The following SMAD3 variants were observed in gnomAD, a reference collection of about 807,000 sequenced individuals.
The protein encoded by SMAD3 is MAD homolog 3.
Under a neutral mutation model 51.8 loss-of-function variants are expected in SMAD3, and 12 were observed. The ratio of observed to expected loss-of-function variants is 0.23; its 90% CI spans 0.15 to 0.38. SMAD3 has a LOEUF of 0.38. Ranked by LOEUF, SMAD3 falls within the 10% of genes least tolerant of loss-of-function variation. SMAD3 has a pLI of 1.00. For synonymous variants in SMAD3, 238 were observed against 227.7 expected (o/e 1.05, Z -0.41); for missense variants, 294 against 565.6 (o/e 0.52, Z 4.87).
At chr15:67,140,422 G>A (rs1018240262) in intron 1 of SMAD3, among the ~76,000 whole-genome samples, 4 of 152,110 alleles carry the variant, frequency 2.6e-5, no homozygotes, top group African/African-American at 9.7e-5. Context: ...TTATTCCACC[G>A]TTCTCTCTTT....
At chr15:67,085,868 GCACACACACACA>G (rs78357581) in intron 1 of SMAD3, among the ~76,000 whole-genome samples, 3 of 100,064 alleles carry the variant, frequency 3.0e-5, no homozygotes, top group African/African-American at 1.0e-4. Flanking sequence ...AAAAAAGCGT[GCACACACACACA>G]CACACACACA....
chr15:67,090,747 C>T (rs867353645), intron 1 of SMAD3, among the ~76,000 whole-genome samples: 2 of 152,180 alleles, frequency 1.3e-5, no homozygotes, highest in Non-Finnish European at 2.9e-5. Flanking sequence ...CCCTCCCCAG[C>T]ACTCCCATCT....
intron 1 of SMAD3, among the ~76,000 whole-genome samples, chr15:67,090,101 C>G (rs1683771672): frequency 6.6e-6 from 1 of 152,168 alleles, no homozygotes; most frequent in Non-Finnish European, 1.5e-5. Flanking sequence ...TGGAACACCA[C>G]CCTAAGGGGG....
At chr15:67,074,477 G>A (rs1296232365) in intron 1 of SMAD3, among the ~76,000 whole-genome samples, 1 of 152,188 alleles carries the variant, frequency 6.6e-6, no homozygotes, top group Admixed American at 6.5e-5. Flanking sequence ...ACTTGATTGC[G>A]TAAGCATGAG....
chr15:67,118,204 C>G (rs991292854), intron 1 of SMAD3, among the ~76,000 whole-genome samples: 12 of 152,188 alleles, frequency 7.9e-5, no homozygotes, highest in Non-Finnish European at 1.5e-4. Context: ...AAGATAGGCA[C>G]GGAACAAGTC....
At chr15:67,102,133 A>G (rs1960771816) in intron 1 of SMAD3, among the ~76,000 whole-genome samples, 3 of 152,246 alleles carry the variant, frequency 2.0e-5, no homozygotes, top group South Asian at 2.1e-4. Context: ...TTGTGTTTTC[A>G]TGGGTCACCT....
At chr15:67,107,964 C>CG (rs1363595247) in intron 1 of SMAD3, among the ~76,000 whole-genome samples, 1 of 74,518 alleles carries the variant, frequency 1.3e-5, no homozygotes, top group South Asian at 6.9e-4. Flanking sequence ...CTGCTCTCCT[C>CG]TCCCCCCCAC....
intron 1 of SMAD3, among the ~76,000 whole-genome samples, chr15:67,101,523 G>A (rs1246648879): frequency 6.6e-6 from 1 of 152,132 alleles, no homozygotes. Flanking sequence ...TGTCCTGGTC[G>A]GTGCCAGTAT....
At chr15:67,127,101 C>T (rs1432132552) in intron 1 of SMAD3, among the ~76,000 whole-genome samples, 3 of 152,228 alleles carry the variant, frequency 2.0e-5, no homozygotes, top group Admixed American at 6.5e-5. Flanking sequence ...GACTCTGTGC[C>T]GTGGGCTAAA....
intron 1 of SMAD3, among the ~76,000 whole-genome samples, chr15:67,111,770 CT>C (rs1422383386): frequency 6.6e-6 from 1 of 152,088 alleles, no homozygotes; most frequent in Non-Finnish European, 1.5e-5. Context: ...TCTCCTTGTG[CT>C]TTTTGGCATT....
chr15:67,109,791 C>T (rs1192951794), intron 1 of SMAD3, among the ~76,000 whole-genome samples: 1 of 152,202 alleles, frequency 6.6e-6, no homozygotes, highest in East Asian at 1.9e-4. Context: ...TACGCTCCGC[C>T]GGCCTCTCAG....
chr15:67,154,806 T>C (rs1435301090), intron 1 of SMAD3, among the ~76,000 whole-genome samples: 1 of 152,134 alleles, frequency 6.6e-6, no homozygotes, highest in Non-Finnish European at 1.5e-5. Flanking sequence ...AACTGCTCAG[T>C]CCCTTTTTTT....
chr15:67,089,565 C>G (rs1423678463), intron 1 of SMAD3, among the ~76,000 whole-genome samples: 3 of 152,180 alleles, frequency 2.0e-5, no homozygotes, highest in Non-Finnish European at 4.4e-5. Flanking sequence ...TGACAGAGTT[C>G]TTTGTCTACA....
At position 67,181,537 on chromosome 15, in the gene SMAD3, C is replaced by T. The variant is rs1431505132; in HGVS notation, c.871+84C>T. 38 of 1,143,640 alleles carry T rather than the reference C, an allele frequency of 3.3e-5. No homozygotes were observed. The Admixed American group carries it at 7.4e-4, about 22-fold the overall frequency. The allele number at this position is 1,143,640 out of a possible 1,614,324, so 70.8% of individuals were successfully genotyped here. ...CCAGCCCCAGGCCTGAACACACAGC[C>T]TCTGAAGGGAACCTTGCGTCCATCC... On this transcript the variant is annotated intron_variant, in intron 6 of 8. Coordinates refer to ENST00000327367, the MANE Select transcript of SMAD3 (RefSeq NM_005902.4).
intron 1 of SMAD3, among the ~76,000 whole-genome samples, chr15:67,110,598 T>C (rs1960991148): frequency 6.6e-6 from 1 of 152,224 alleles, no homozygotes. Flanking sequence ...CAAATGCTCA[T>C]TGTTACTTGT....
intron 1 of SMAD3, among the ~76,000 whole-genome samples, chr15:67,162,909 T>C (rs912782969): frequency 6.6e-6 from 1 of 151,978 alleles, no homozygotes; most frequent in African/African-American, 2.4e-5. Context: ...GTTATTTTCG[T>C]TCAGGACACT....
rs8042853 is a variant in SMAD3 at position 67,111,285 on chromosome 15, T to C, written c.206+44925T>C. On this transcript the variant is annotated intron_variant, in intron 1 of 8. Transcript: ENST00000327367. ...GTTTGACTTCTTTCACTTAACATAT[T>C]TTCAGGGTTCATCCATTTGTAGCAT... is the stretch of plus-strand genomic sequence containing the variant. Among the ~76,000 whole-genome samples, 1,386 of 152,344 alleles carry C rather than the reference T, an allele frequency of 9.1e-3. 28 individuals are homozygous for C. The highest frequency in any genetic ancestry group is 0.032 in the African/African-American group (1,348 of 41,572).
chr15:67,193,493 G>C lies in SMAD3; in HGVS notation c.*2957G>C, dbSNP rs143339480. On this transcript the variant is annotated 3_prime_UTR_variant, in exon 9 of 9. Coordinates refer to ENST00000327367, the MANE Select transcript of SMAD3 (RefSeq NM_005902.4). The stretch of plus-strand genomic sequence containing the variant: ...TTAGATGCTTCCAGCACATACGTAG[G>C]TAGCTACCCCAGCCGGTTTGGATTA... 78 of 233,748 alleles carry C rather than the reference G, an allele frequency of 3.3e-4. No homozygotes were observed. The highest frequency in any genetic ancestry group is 5.6e-4 in the Non-Finnish European group (66 of 118,048). 14.5% of individuals were successfully genotyped at this position (233,748 alleles called of 1,614,324 possible).
At chr15:67,116,518 C>A (rs867812524) in intron 1 of SMAD3, among the ~76,000 whole-genome samples, 2 of 152,158 alleles carry the variant, frequency 1.3e-5, no homozygotes, top group Non-Finnish European at 2.9e-5. Context: ...TAATGACTGA[C>A]GTGCTGAGCA....
Sources: allele counts gnomAD v4.1 joint callset (sites outside exome capture counted in the v4.1 genomes callset), GRCh38; gene constraint gnomAD v4.1.1; transcripts MANE v1.5; gene names NCBI Gene and HGNC (gene_info 2026-07-23, HGNC 2026-07-21).